The following NCAM2 variants were observed in gnomAD, a reference collection of about 807,000 sequenced individuals.
NCAM2 encodes N-CAM-2.
In NCAM2, 30 loss-of-function variants were observed where a neutral mutation model predicts 98.1. The observed-to-expected ratio is 0.31, with a 90% CI of 0.23 to 0.41. The LOEUF (loss-of-function observed/expected upper bound fraction) is 0.41. Ranked by LOEUF, NCAM2 falls within the 10% of genes least tolerant of loss-of-function variation. The pLI, the probability that NCAM2 is intolerant of heterozygous loss-of-function variation, is 1.00. For synonymous variants in NCAM2, 368 were observed against 342.4 expected (o/e 1.07, Z -0.83); for missense variants, 867 against 1,005.8 (o/e 0.86, Z 1.87).
chr21:21,233,161 A>G (rs1187996714), intron 1 of NCAM2, among the ~76,000 whole-genome samples: 2 of 151,464 alleles, frequency 1.3e-5, no homozygotes, highest in Non-Finnish European at 3.0e-5. Context: ...CAAAATTGGC[A>G]AGTTCTTCTT....
intron 1 of NCAM2, among the ~76,000 whole-genome samples, chr21:21,104,232 C>A (rs879556405): frequency 3.3e-5 from 5 of 152,060 alleles, no homozygotes; most frequent in Non-Finnish European, 5.9e-5. Flanking sequence ...CTCCTCCTCA[C>A]CGTAGAGACG....
chr21:21,188,851 G>C (rs923054584), intron 1 of NCAM2, among the ~76,000 whole-genome samples: 1 of 152,186 alleles, frequency 6.6e-6, no homozygotes, highest in Admixed American at 6.5e-5. Context: ...GCCTTGAGTG[G>C]TAATTAAAAA....
chr21:21,104,410 T>C (rs1297343423), intron 1 of NCAM2, among the ~76,000 whole-genome samples: 1 of 152,168 alleles, frequency 6.6e-6, no homozygotes, highest in Non-Finnish European at 1.5e-5. Flanking sequence ...ATTTTTTTTC[T>C]CATGGATAGA....
rs934620545 is a variant in NCAM2, at chr21:21,063,450, G to A, written c.55+64832G>A. Among the ~76,000 whole-genome samples the A allele has an allele frequency of 1.1e-4, 17 of 151,576 alleles. No homozygotes were observed. In the East Asian group the frequency reaches 2.3e-3, roughly 21 times the overall value. ...TGGCCAGGCTGGTCTTGAGCTCCTG[G>A]CCTCAAGTGATCCACCCGCCTCAGC... On this transcript the variant is annotated intron_variant, in intron 1 of 17. Coordinates refer to ENST00000400546, the MANE Select transcript of NCAM2 (RefSeq NM_004540.5).
At chr21:21,389,092 G>A (rs182417609) in intron 9 of NCAM2, among the ~76,000 whole-genome samples, 23 of 152,182 alleles carry the variant, frequency 1.5e-4, no homozygotes, top group African/African-American at 5.5e-4. Flanking sequence ...CTGTTCTCAC[G>A]TTGCTAATAA....
intron 1 of NCAM2, among the ~76,000 whole-genome samples, chr21:21,166,762 C>G (rs1019251125): frequency 3.3e-5 from 5 of 152,134 alleles, no homozygotes; most frequent in Non-Finnish European, 5.9e-5. Context: ...AATGATGCCT[C>G]TAGGTTTACC....
At chr21:21,110,193 A>C (rs2146523554) in intron 1 of NCAM2, among the ~76,000 whole-genome samples, 1 of 152,346 alleles carries the variant, frequency 6.6e-6, no homozygotes, top group African/African-American at 2.4e-5. Flanking sequence ...GTTCTACCCA[A>C]GTATGTCCTT....
chr21:21,077,319 A>G (rs1396455074), intron 1 of NCAM2, among the ~76,000 whole-genome samples: 1 of 152,192 alleles, frequency 6.6e-6, no homozygotes, highest in African/African-American at 2.4e-5. Flanking sequence ...AAGAGAAAAC[A>G]TTGTGCCTTC....
At chr21:21,494,907 A>AC (rs1555908259) in intron 15 of NCAM2, among the ~76,000 whole-genome samples, 2 of 151,526 alleles carry the variant, frequency 1.3e-5, no homozygotes, top group Non-Finnish European at 3.0e-5. Flanking sequence ...TTTTTAGCCA[A>AC]TTTTTTTCAA....
At chr21:21,068,680 G>A (rs1045287887) in intron 1 of NCAM2, among the ~76,000 whole-genome samples, 1 of 151,958 alleles carries the variant, frequency 6.6e-6, no homozygotes, top group African/African-American at 2.4e-5. Flanking sequence ...GGCTGGTCTC[G>A]AACTCTTGAC....
chr21:21,036,849 T>C (rs2064809833), intron 1 of NCAM2, among the ~76,000 whole-genome samples: 1 of 152,214 alleles, frequency 6.6e-6, no homozygotes, highest in Admixed American at 6.5e-5. Flanking sequence ...TGAGCTAATC[T>C]TTCCTAGTTC....
intron 12 of NCAM2, among the ~76,000 whole-genome samples, chr21:21,436,615 A>G (rs1160331983): frequency 6.6e-6 from 1 of 152,134 alleles, no homozygotes; most frequent in Non-Finnish European, 1.5e-5. Context: ...TGTTTCAAGT[A>G]CCAAAAGCAT....
intron 15 of NCAM2, among the ~76,000 whole-genome samples, chr21:21,492,201 T>C (rs1986898377): frequency 6.6e-6 from 1 of 151,860 alleles, no homozygotes; most frequent in Admixed American, 6.6e-5. Context: ...CAAGCAACTT[T>C]GATTCTCAGT....
chr21:21,495,509 C>G (rs1987161560), intron 15 of NCAM2, among the ~76,000 whole-genome samples: 1 of 152,004 alleles, frequency 6.6e-6, no homozygotes, highest in East Asian at 1.9e-4. Flanking sequence ...CCAATGACTC[C>G]CTACCATCTT....
intron 1 of NCAM2, among the ~76,000 whole-genome samples, chr21:21,243,845 G>A (rs2071163497): frequency 2.0e-5 from 3 of 152,158 alleles, no homozygotes; most frequent in Admixed American, 2.0e-4. Context: ...TCCTGTTCAA[G>A]GAAAGTAAGA....
intron 1 of NCAM2, among the ~76,000 whole-genome samples, chr21:21,005,810 CAAA>C (rs371717219): frequency 5.5e-5 from 8 of 144,286 alleles, no homozygotes; most frequent in Admixed American, 1.4e-4. Context: ...ACGCCCCCCC[CAAA>C]AAAAAAACCC....
chr21:21,057,221 G>A (rs2065229469), intron 1 of NCAM2, among the ~76,000 whole-genome samples: 1 of 152,018 alleles, frequency 6.6e-6, no homozygotes, highest in Non-Finnish European at 1.5e-5. Context: ...ATATTATAAA[G>A]AATTCACAAC....
intron 1 of NCAM2, among the ~76,000 whole-genome samples, chr21:21,125,534 A>ATATATTACATAT (rs1569049661): frequency 0.026 from 326 of 12,440 alleles, 15 homozygotes; most frequent in South Asian, 0.21. Context: ...GTAATATATA[A>ATATATTACATAT]AATATATATT....
intron 8 of NCAM2, among the ~76,000 whole-genome samples, chr21:21,351,513 A>G (rs151139102): frequency 3.3e-5 from 5 of 152,214 alleles, no homozygotes; most frequent in African/African-American, 7.2e-5. Context: ...TGAAATAGCC[A>G]TAAGTCAAAA....
Sources: allele counts gnomAD v4.1 joint callset (sites outside exome capture counted in the v4.1 genomes callset), GRCh38; gene constraint gnomAD v4.1.1; transcripts MANE v1.5; gene names NCBI Gene and HGNC (gene_info 2026-07-23, HGNC 2026-07-21).